The following SERPINI1 variants were observed in gnomAD, a reference collection of about 807,000 sequenced individuals.
SERPINI1 encodes serpin family I member 1.
SERPINI1 carries 19 observed loss-of-function variants against 41.1 expected under a neutral mutation model. The ratio of observed to expected loss-of-function variants is 0.46; its 90% CI spans 0.32 to 0.68. The LOEUF is 0.68. Among genes scored for constraint, SERPINI1 ranks in the 30% least tolerant of loss-of-function variants. The pLI is 0.03. For missense variants in SERPINI1, 460 were observed against 479.2 expected (o/e 0.96, Z 0.37); for synonymous variants, 138 against 156.6 (o/e 0.88, Z 0.89).
intron 1 of SERPINI1, among the ~76,000 whole-genome samples, chr3:167,749,642 CA>C (rs1725980769): frequency 6.6e-6 from 1 of 152,096 alleles, no homozygotes; most frequent in Non-Finnish European, 1.5e-5. Context: ...CCAGAATTTC[CA>C]CTGTAACACA....
chr3:167,785,101 C>T lies in SERPINI1; in HGVS notation c.-18-4010C>T, dbSNP rs1017015319. Among the ~76,000 whole-genome samples, 4 of 152,104 alleles carry T rather than the reference C, an allele frequency of 2.6e-5. No homozygotes were observed. In the East Asian group the frequency reaches 5.8e-4, roughly 22 times the overall value. On this transcript the variant is annotated intron_variant, in intron 1 of 8. Transcript: ENST00000446050. The stretch of plus-strand genomic sequence containing the variant: ...ACTAAAAATACAAAAATTAGCTGGG[C>T]GTGGTGGCATGCGCCTGTAGTAGTC...
At chr3:167,786,385 G>T (rs1372756505) in intron 1 of SERPINI1, among the ~76,000 whole-genome samples, 1 of 151,894 alleles carries the variant, frequency 6.6e-6, no homozygotes, top group Non-Finnish European at 1.5e-5. Flanking sequence ...GCAGGCGCCT[G>T]TAGTCCCAGC....
At chr3:167,821,161 G>A (rs1473610239) in intron 6 of SERPINI1, among the ~76,000 whole-genome samples, 2 of 152,122 alleles carry the variant, frequency 1.3e-5, no homozygotes, top group African/African-American at 2.4e-5. Context: ...ATTCTTCCTG[G>A]ATGTGAGACA....
At chr3:167,765,178 G>C (rs923103699) in intron 1 of SERPINI1, among the ~76,000 whole-genome samples, 2 of 152,214 alleles carry the variant, frequency 1.3e-5, no homozygotes, top group Non-Finnish European at 2.9e-5. Flanking sequence ...TCTGTGTGGA[G>C]GCTCCAACCC....
At chr3:167,782,973 A>G (rs1727187487) in intron 1 of SERPINI1, among the ~76,000 whole-genome samples, 1 of 152,178 alleles carries the variant, frequency 6.6e-6, no homozygotes, top group African/African-American at 2.4e-5. Context: ...TCACAGTACA[A>G]ATGCTGTGTT....
chr3:167,811,603 T>C (rs1711889049), intron 6 of SERPINI1, among the ~76,000 whole-genome samples: 1 of 152,200 alleles, frequency 6.6e-6, no homozygotes, highest in Non-Finnish European at 1.5e-5. Flanking sequence ...ACAGAGGCTT[T>C]AGATGAAAGA....
intron 1 of SERPINI1, among the ~76,000 whole-genome samples, chr3:167,765,255 C>T (rs1053554432): frequency 2.0e-5 from 3 of 152,260 alleles, no homozygotes; most frequent in Non-Finnish European, 4.4e-5. Context: ...CAGCAAACTT[C>T]TGCCTGGGCA....
chr3:167,784,810 C>T (rs1022778713), intron 1 of SERPINI1, among the ~76,000 whole-genome samples: 4 of 152,084 alleles, frequency 2.6e-5, no homozygotes, highest in African/African-American at 4.8e-5. Flanking sequence ...ATGAGATTTT[C>T]GCTGGGGACA....
intron 1 of SERPINI1, among the ~76,000 whole-genome samples, chr3:167,776,236 G>A (rs1471208206): frequency 1.3e-5 from 2 of 152,208 alleles, no homozygotes; most frequent in Non-Finnish European, 2.9e-5. Flanking sequence ...TTGTCTTAGG[G>A]CTTGTGTGTC....
At chr3:167,798,042 C>T (rs895517947) in intron 5 of SERPINI1, among the ~76,000 whole-genome samples, 10 of 151,956 alleles carry the variant, frequency 6.6e-5, no homozygotes, top group Non-Finnish European at 1.2e-4. Context: ...CCAAATGCTC[C>T]AATTCTATGA....
intron 1 of SERPINI1, among the ~76,000 whole-genome samples, chr3:167,762,407 C>T (rs771664772): frequency 6.6e-6 from 1 of 152,162 alleles, no homozygotes; most frequent in Non-Finnish European, 1.5e-5. Flanking sequence ...TCTTTCTTGA[C>T]TACTCCCTTC....
At chr3:167,806,922 T>C (rs778756370) in intron 5 of SERPINI1, among the ~76,000 whole-genome samples, 7 of 152,180 alleles carry the variant, frequency 4.6e-5, no homozygotes, top group African/African-American at 1.7e-4. Context: ...TTACAAGTTT[T>C]ACTCAATACT....
At chr3:167,793,548 G>A (rs1044809372) in intron 4 of SERPINI1, among the ~76,000 whole-genome samples, 2 of 149,428 alleles carry the variant, frequency 1.3e-5, no homozygotes, top group Admixed American at 6.7e-5. Context: ...ACTAGCTTGG[G>A]CAACACAGCA....
intron 5 of SERPINI1, among the ~76,000 whole-genome samples, chr3:167,803,874 A>G (rs1711530448): frequency 1.3e-5 from 2 of 152,156 alleles, no homozygotes; most frequent in South Asian, 2.1e-4. Flanking sequence ...AATGTTTTCT[A>G]TTACCTGAGA....
chr3:167,786,079 G>A (rs1252052840), intron 1 of SERPINI1, among the ~76,000 whole-genome samples: 2 of 152,190 alleles, frequency 1.3e-5, no homozygotes, highest in Admixed American at 1.3e-4. Flanking sequence ...TGTACAGCAT[G>A]TTACTGTACT....
chr3:167,743,356 G>A (rs1203953764), intron 1 of SERPINI1, among the ~76,000 whole-genome samples: 1 of 152,108 alleles, frequency 6.6e-6, no homozygotes, highest in Non-Finnish European at 1.5e-5. Context: ...TGATACTCAT[G>A]GTTTTGGTGA....
At chr3:167,794,406 TTTTA>T (rs1727646259) in intron 4 of SERPINI1, among the ~76,000 whole-genome samples, 2 of 152,102 alleles carry the variant, frequency 1.3e-5, no homozygotes, top group African/African-American at 4.8e-5. Flanking sequence ...ATTTAAACCT[TTTTA>T]TTTATTTTTT....
At chr3:167,770,719 A>G (rs937273784) in intron 1 of SERPINI1, among the ~76,000 whole-genome samples, 3 of 152,228 alleles carry the variant, frequency 2.0e-5, no homozygotes, top group African/African-American at 7.2e-5. Flanking sequence ...CTCAATTACT[A>G]TAAATGACTT....
chr3:167,750,124 T>C (rs1394723707), intron 1 of SERPINI1, among the ~76,000 whole-genome samples: 2 of 152,238 alleles, frequency 1.3e-5, no homozygotes, highest in Non-Finnish European at 2.9e-5. Flanking sequence ...GCTTAAAAAG[T>C]AAATTCACAG....
Sources: gnomAD v4.1 joint callset for allele counts (sites outside exome capture counted in the v4.1 genomes callset) on GRCh38, gnomAD v4.1.1 for gene constraint, MANE v1.5 for transcripts, NCBI Gene and HGNC (gene_info 2026-07-23, HGNC 2026-07-21) for gene names.